RBFOX2: variants seen among roughly 807,000 people sequenced by gnomAD.
RBFOX2 encodes the protein RNA binding protein fox-1 homolog 2.
Under a neutral mutation model 49.1 loss-of-function variants are expected in RBFOX2, and 10 were observed. The observed-to-expected ratio is 0.20, with a 90% confidence interval of 0.13 to 0.35. RBFOX2 has a LOEUF of 0.35. Among genes scored for constraint, RBFOX2 ranks in the 10% least tolerant of loss-of-function variants. The probability of loss-of-function intolerance (pLI) is 1.00; values close to 1 mark genes in which losing one functional copy is unlikely to be tolerated. For missense variants in RBFOX2, 323 were observed against 486.9 expected, an observed-to-expected ratio of 0.66 and a Z score of 3.17; for synonymous variants, 183 against 187.4, an observed-to-expected ratio of 0.98 and a Z score of 0.19.
intron 2 of RBFOX2, among the ~76,000 whole-genome samples, chr22:35,794,220 T>TA (rs559609283): frequency 6.6e-6 from 1 of 151,878 alleles, no homozygotes; most frequent in Non-Finnish European, 1.5e-5. Context: ...TTTTTTTTTT[T>TA]AAATCACCAT....
chr22:35,781,805 AT>A, intron 2 of RBFOX2, 59 bp from the exon 4 acceptor site: 2 of 1,605,398 alleles, frequency 1.2e-6, no homozygotes, highest in Non-Finnish European at 1.7e-6. Context: ...AATTAAAGTT[AT>A]CCCCCCACAG....
At chr22:35,891,350 G>C (rs867297228) in intron 1 of RBFOX2, among the ~76,000 whole-genome samples, 4 of 152,146 alleles carry the variant, frequency 2.6e-5, no homozygotes, top group South Asian at 2.1e-4. Flanking sequence ...AGCCAGAATG[G>C]TCTCGATCTC....
intron 1 of RBFOX2, among the ~76,000 whole-genome samples, chr22:35,812,515 C>G (rs1043769700): frequency 6.6e-6 from 1 of 152,068 alleles, no homozygotes; most frequent in African/African-American, 2.4e-5. Flanking sequence ...TCTCTCTAGC[C>G]ATATGAAACA....
In RBFOX2 at chr22:35,761,500, A is replaced by C. The variant is rs761430305; in HGVS notation, c.608-32T>G. The C allele has an allele frequency of 3.1e-6, 5 of 1,611,166 alleles. No homozygotes were observed. In the African/African-American group the frequency reaches 6.7e-5, roughly 22 times the overall value. The stretch of plus-strand genomic sequence containing the variant: ...CACACAAAATGGAAGGTAAGCATTT[A>C]AGACTGTTTGAGGAAAGGGATGATC... On this transcript the variant is annotated intron_variant, in intron 6 of 11. Coordinates refer to ENST00000405409, the Ensembl canonical transcript of RBFOX2.
chr22:36,027,563 G>A (rs1286725887), intron 1 of RBFOX2, among the ~76,000 whole-genome samples: 1 of 152,076 alleles, frequency 6.6e-6, no homozygotes, highest in Non-Finnish European at 1.5e-5. Flanking sequence ...TTTGTGTCCT[G>A]GTGATGTAGA....
intron 1 of RBFOX2, among the ~76,000 whole-genome samples, chr22:35,831,171 C>T (rs1466849758): frequency 6.6e-6 from 1 of 152,286 alleles, no homozygotes; most frequent in African/African-American, 2.4e-5. Flanking sequence ...AGGCCAGGCA[C>T]GGTGGCTTAC....
intron 1 of RBFOX2, chr22:35,994,163 T>C (rs2058089209): frequency 6.6e-6 from 1 of 151,262 alleles, no homozygotes. Context: ...AATTTTGTAG[T>C]AGCCATATTA....
chr22:35,898,176 CA>C (rs2048106620), intron 1 of RBFOX2: 1 of 749,350 alleles, frequency 1.3e-6, no homozygotes. Context: ...CCTGTGACCC[CA>C]CGCGTCCAAG....
At chr22:35,798,810 G>C (rs936339101) in intron 2 of RBFOX2, among the ~76,000 whole-genome samples, 15 of 152,110 alleles carry the variant, frequency 9.9e-5, no homozygotes, top group Non-Finnish European at 2.9e-5. Flanking sequence ...TAATTATCCA[G>C]TTAGGAAAAC....
At chr22:35,774,847 T>C (rs1943511091) in intron 4 of RBFOX2, among the ~76,000 whole-genome samples, 1 of 152,214 alleles carries the variant, frequency 6.6e-6, no homozygotes, top group Non-Finnish European at 1.5e-5. Flanking sequence ...TAAGATATGG[T>C]ATGGAGTTGC....
upstream of RBFOX2, among the ~76,000 whole-genome samples, chr22:35,963,059 CAAAAAAAAAAAAAAA>C (rs34027896): frequency 8.0e-4 from 27 of 33,598 alleles, no homozygotes; most frequent in Admixed American, 1.8e-3. Flanking sequence ...AACTCTCCAG[CAAAAAAAAAAAAAAA>C]AAAAAAAAAA....
chr22:35,988,982 G>C (rs559307580), intron 1 of RBFOX2, among the ~76,000 whole-genome samples: 1 of 152,230 alleles, frequency 6.6e-6, no homozygotes, highest in African/African-American at 2.4e-5. Context: ...CTGACGTTAT[G>C]AGTTCAAGAC....
chr22:35,871,280 G>C (rs1231481264), intron 1 of RBFOX2, among the ~76,000 whole-genome samples: 1 of 152,148 alleles, frequency 6.6e-6, no homozygotes, highest in Non-Finnish European at 1.5e-5. Flanking sequence ...TTGGAGGAAA[G>C]GGGAACAAAA....
intron 2 of RBFOX2, among the ~76,000 whole-genome samples, chr22:35,794,996 T>C (rs1002904006): frequency 1.3e-5 from 2 of 152,184 alleles, no homozygotes; most frequent in South Asian, 2.1e-4. Flanking sequence ...TTGAGTCTTA[T>C]ATGATCCAAA....
rs376806646 is a variant in RBFOX2 at position 35,775,321 on chromosome 22, A to C, written c.453+2704T>G. Among the ~76,000 whole-genome samples the C allele has an allele frequency of 2.3e-4, 35 of 152,330 alleles. No homozygotes were observed. The South Asian group carries it at 5.6e-3, about 24-fold the overall frequency. The stretch of plus-strand genomic sequence containing the variant: ...AACAAGGTTTTGTATCAGTCCTTGA[A>C]GGCAGATTCAGGGCAATTCTGAATT... On this transcript the variant is annotated intron_variant, in intron 4 of 11. Transcript: ENST00000405409.
chr22:35,820,782 G>A (rs1267756779), intron 1 of RBFOX2, among the ~76,000 whole-genome samples: 6 of 152,178 alleles, frequency 3.9e-5, no homozygotes, highest in Admixed American at 2.0e-4. Flanking sequence ...TGATATGGTG[G>A]TACAGGAAGT....
intron 1 of RBFOX2, among the ~76,000 whole-genome samples, chr22:35,864,180 C>T (rs557964852): frequency 1.3e-5 from 2 of 152,112 alleles, no homozygotes; most frequent in South Asian, 2.1e-4. Context: ...TACAGCTGAA[C>T]ATAAAATATC....
intron 2 of RBFOX2, among the ~76,000 whole-genome samples, chr22:35,794,672 G>A (rs1352510625): frequency 6.6e-6 from 1 of 151,168 alleles, no homozygotes; most frequent in Non-Finnish European, 1.5e-5. Flanking sequence ...AAAAAAAAAA[G>A]TTTTTTAGCT....
rs375474313 is a variant in RBFOX2 at position 35,760,003 on chromosome 22, G to A, written c.772C>T (p.Pro258Ser). Reference sequence around the variant, plus strand: ...GCGGCTGCCGTGGTGGCTGCAGTAGGGTAAGGGAAGCCAGGAACTAAAGGG... The same window carrying A: ...GCGGCTGCCGTGGTGGCTGCAGTAGAGTAAGGGAAGCCAGGAACTAAAGGG... The change falls in exon 9 of 12, where the codon CCT becomes TCT. Residue 258 changes from proline (P) to serine (S), a missense_variant. By Grantham distance (74) the Pro-to-Ser change is moderately conservative. This residue lies in a region of RBFOX2 where 200 missense variants were observed against 370.0 expected (regional missense o/e 0.54). Coordinates refer to ENST00000405409, the Ensembl canonical transcript of RBFOX2. 154 of 1,613,646 alleles carry A rather than the reference G, an allele frequency of 9.5e-5. No individual in the cohort carries two copies. The highest frequency in any genetic ancestry group is 1.3e-4 in the Non-Finnish European group (152 of 1,180,016).
Sources: allele counts gnomAD v4.1 joint callset (sites outside exome capture counted in the v4.1 genomes callset), GRCh38; gene constraint gnomAD v4.1.1; regional missense constraint gnomAD v4.1.1; transcripts MANE v1.5; gene names NCBI Gene and HGNC (gene_info 2026-07-23, HGNC 2026-07-21).